The following SLC49A4 variants were observed in gnomAD, a reference collection of about 807,000 sequenced individuals.
SLC49A4 encodes disrupted in renal cancer protein 2.
In SLC49A4, 36 loss-of-function variants were observed where a neutral mutation model predicts 50.6. The observed-to-expected ratio is 0.71, with a 90% CI of 0.55 to 0.94. The LOEUF is 0.94. Among genes scored for constraint, SLC49A4 ranks in the 40% least tolerant of loss-of-function variants. SLC49A4 has a pLI of 0.00. For missense variants in SLC49A4, 503 were observed against 605.7 expected, an observed-to-expected ratio of 0.83 and a Z score of 1.78; for synonymous variants, 248 against 241.2, an observed-to-expected ratio of 1.03 and a Z score of -0.26.
At chr3:122,837,235 A>G (rs1936700220) in intron 4 of SLC49A4, among the ~76,000 whole-genome samples, 1 of 152,206 alleles carries the variant, frequency 6.6e-6, no homozygotes, top group African/African-American at 2.4e-5. Context: ...TGGAACCAAA[A>G]AAGAGCCCGC....
intron 2 of SLC49A4, among the ~76,000 whole-genome samples, chr3:122,820,312 C>G (rs985802543): frequency 1.1e-4 from 17 of 152,138 alleles, no homozygotes; most frequent in Non-Finnish European, 2.1e-4. Flanking sequence ...ATGACTGGAG[C>G]TCCCTCCAAT....
chr3:122,880,500 C>T lies in SLC49A4; in HGVS notation c.*1122C>T, dbSNP rs898886912. ...CTGTCAGACACAGATTTCACTGTGA[C>T]GTAAAATACACTGCAGTGAGAATAT... On this transcript the variant is annotated 3_prime_UTR_variant, in exon 9 of 9. Transcript: ENST00000261038. The T allele has an allele frequency of 5.9e-5, 9 of 152,190 alleles. No individual in the cohort carries two copies. Among genetic ancestry groups the T allele is most frequent in the South Asian group, 2.1e-4 (1 of 4,816 alleles). 9.4% of individuals were successfully genotyped at this position (152,190 alleles called of 1,614,324 possible). A position where few individuals can be genotyped will look rare whatever the true frequency, so the allele number is the denominator to read the frequency against.
At chr3:122,841,846 C>G (rs1358013726) in intron 4 of SLC49A4, among the ~76,000 whole-genome samples, 1 of 152,022 alleles carries the variant, frequency 6.6e-6, no homozygotes, top group Non-Finnish European at 1.5e-5. Context: ...AGGTAGGTCA[C>G]AAAGTAAAAA....
chr3:122,815,431 A>G (rs1283452027), intron 2 of SLC49A4, among the ~76,000 whole-genome samples: 1 of 152,172 alleles, frequency 6.6e-6, no homozygotes, highest in Non-Finnish European at 1.5e-5. Flanking sequence ...TTGCAGACTT[A>G]AAACTTGGCC....
At chr3:122,825,831 G>T (rs988483377) in intron 2 of SLC49A4, among the ~76,000 whole-genome samples, 1 of 151,960 alleles carries the variant, frequency 6.6e-6, no homozygotes, top group East Asian at 1.9e-4. Context: ...TCTATTTCAA[G>T]GCAGCTCTTA....
chr3:122,833,222 C>T (rs1055186589), intron 3 of SLC49A4, 95 bp from the exon 4 acceptor site: 18 of 1,237,550 alleles, frequency 1.5e-5, no homozygotes, highest in African/African-American at 1.3e-4. Context: ...GCCTGGGTGA[C>T]GGAGTGAGAC....
rs878982347 is a variant in SLC49A4, at chr3:122,827,062, G to A, written c.700G>A (p.Ala234Thr). 1 of 1,598,626 alleles carries A rather than the reference G, an allele frequency of 6.3e-7. No homozygotes were observed. Among genetic ancestry groups the A allele is most frequent in the Non-Finnish European group, 8.6e-7 (1 of 1,167,944 alleles). Residue 234 changes from alanine (A) to threonine (T), a missense_variant, in exon 3 of 9, where the codon GCA (alanine) becomes ACA (threonine). By Grantham distance (58) the Ala-to-Thr change is moderately conservative. Transcript: ENST00000261038. ...AGATCGCATAGAGGCTGTGTTATAT[G>A]CAGGTAATTTGAAGTTTATTTTCTT... The part of the protein sequence containing the change: ...IKDRIEAVLY[A>T]EFGVVCLIFS...
chr3:122,878,111 A>G (rs1433416442), intron 8 of SLC49A4, among the ~76,000 whole-genome samples: 2 of 152,222 alleles, frequency 1.3e-5, no homozygotes, highest in African/African-American at 2.4e-5. Flanking sequence ...TTTAGCCATA[A>G]GAATTATGGA....
intron 3 of SLC49A4, among the ~76,000 whole-genome samples, chr3:122,830,401 C>T (rs902920431): frequency 6.6e-6 from 1 of 152,128 alleles, no homozygotes; most frequent in African/African-American, 2.4e-5. Context: ...TCAGACTTCT[C>T]AACTACAAAA....
At chr3:122,866,433 T>C (rs1937121837) in intron 7 of SLC49A4, among the ~76,000 whole-genome samples, 1 of 152,188 alleles carries the variant, frequency 6.6e-6, no homozygotes, top group Non-Finnish European at 1.5e-5. Context: ...AGGCATCATC[T>C]AATATAATTT....
At chr3:122,817,686 T>C (rs1157680451) in intron 2 of SLC49A4, among the ~76,000 whole-genome samples, 2 of 151,036 alleles carry the variant, frequency 1.3e-5, no homozygotes, top group African/African-American at 4.9e-5. Flanking sequence ...GCTCAAGCAA[T>C]CCTCCTACCT....
At chr3:122,853,392 C>A (rs780201917) in intron 5 of SLC49A4, among the ~76,000 whole-genome samples, 6 of 152,186 alleles carry the variant, frequency 3.9e-5, no homozygotes, top group Admixed American at 1.3e-4. Context: ...AGTTTTCTCA[C>A]CTGTTTTTCT....
At chr3:122,848,192 TAA>T (rs1304865212) in intron 5 of SLC49A4, among the ~76,000 whole-genome samples, 5 of 152,194 alleles carry the variant, frequency 3.3e-5, no homozygotes, top group African/African-American at 7.2e-5. Context: ...TTATAGGCGT[TAA>T]GTTTCTTTTT....
At chr3:122,869,231 C>CT (rs935900943) in intron 7 of SLC49A4, among the ~76,000 whole-genome samples, 2 of 152,032 alleles carry the variant, frequency 1.3e-5, no homozygotes, top group Non-Finnish European at 1.5e-5. Flanking sequence ...TGACCCCCCC[C>CT]AGTTTTCCTC....
intron 4 of SLC49A4, among the ~76,000 whole-genome samples, chr3:122,835,667 T>TG (rs1167922626): frequency 1.3e-5 from 2 of 152,074 alleles, no homozygotes; most frequent in Non-Finnish European, 2.9e-5. Context: ...TGGGAAAACT[T>TG]GAAAGTATTT....
intron 4 of SLC49A4, among the ~76,000 whole-genome samples, chr3:122,837,272 G>A (rs1037923743): frequency 6.6e-6 from 1 of 152,150 alleles, no homozygotes; most frequent in African/African-American, 2.4e-5. Flanking sequence ...TAAGCCAAAA[G>A]AACAAAGCTG....
chr3:122,847,894 G>A (rs918071191), intron 5 of SLC49A4, among the ~76,000 whole-genome samples: 3 of 152,282 alleles, frequency 2.0e-5, no homozygotes, highest in East Asian at 1.9e-4. Flanking sequence ...GTACAACTGT[G>A]TCATCCTGTA....
intron 1 of SLC49A4, among the ~76,000 whole-genome samples, chr3:122,800,844 A>C (rs1157260384): frequency 4.6e-5 from 7 of 152,364 alleles, no homozygotes; most frequent in East Asian, 3.9e-4. Flanking sequence ...GAATAGGGGA[A>C]CAGTTACTGG....
rs750058724 is a variant in SLC49A4 at position 122,880,018 on chromosome 3, T to G, written c.*640T>G. On this transcript the variant is annotated 3_prime_UTR_variant, in exon 9 of 9. Transcript: ENST00000261038. ...ATAGGCACTGTGTCTCCATCTCAACTTATCCTTGTTTCTGTGAAATACAAT... is the reference window on the plus strand; with the variant it reads ...ATAGGCACTGTGTCTCCATCTCAACGTATCCTTGTTTCTGTGAAATACAAT... The G allele has an allele frequency of 6.6e-6, 1 of 152,634 alleles. No individual in the cohort carries two copies. The highest frequency in any genetic ancestry group is 6.5e-5 in the Admixed American group (1 of 15,282). 9.5% of individuals were successfully genotyped at this position (152,634 alleles called of 1,614,324 possible).
Sources: gnomAD v4.1 joint callset for allele counts (sites outside exome capture counted in the v4.1 genomes callset) on GRCh38, gnomAD v4.1.1 for gene constraint, MANE v1.5 for transcripts, NCBI Gene and HGNC (gene_info 2026-07-23, HGNC 2026-07-21) for gene names.